The following ARHGAP24 variants were observed in gnomAD, a reference collection of about 807,000 sequenced individuals.
ARHGAP24 encodes the protein Rho GTPase activating protein 24.
A neutral mutation model predicts 76.4 loss-of-function variants in ARHGAP24; 50 were observed. The observed-to-expected ratio is 0.65, with a 90% CI of 0.52 to 0.83. The LOEUF (loss-of-function observed/expected upper bound fraction) is 0.83. Among genes scored for constraint, ARHGAP24 ranks in the 40% least tolerant of loss-of-function variants. The probability of loss-of-function intolerance (pLI) is 0.00; values close to 1 mark genes in which losing one functional copy is unlikely to be tolerated. For synonymous variants in ARHGAP24, 345 were observed against 323.3 expected (o/e 1.07, Z -0.72); for missense variants, 930 against 914.2 (o/e 1.02, Z -0.22).
chr4:85,639,703 T>TAAAAAAA (rs3028175), intron 2 of ARHGAP24, among the ~76,000 whole-genome samples: 9 of 146,846 alleles, frequency 6.1e-5, no homozygotes, highest in African/African-American at 1.7e-4. Context: ...GAATAATTGG[T>TAAAAAAA]AAAAAAAAAA....
chr4:85,862,564 G>A (rs1731959399), intron 3 of ARHGAP24, among the ~76,000 whole-genome samples: 1 of 151,958 alleles, frequency 6.6e-6, no homozygotes, highest in South Asian at 2.1e-4. Context: ...TCCTTCTCAG[G>A]CCATATTTAG....
intron 3 of ARHGAP24, among the ~76,000 whole-genome samples, chr4:85,779,273 G>C (rs1371969559): frequency 6.6e-6 from 1 of 152,098 alleles, no homozygotes; most frequent in Non-Finnish European, 1.5e-5. Context: ...TTTATTGCTT[G>C]TGTTGGATAA....
intron 3 of ARHGAP24, among the ~76,000 whole-genome samples, chr4:85,822,806 A>G (rs1264876714): frequency 6.6e-6 from 1 of 152,196 alleles, no homozygotes; most frequent in Non-Finnish European, 1.5e-5. Context: ...TCCTGCACAC[A>G]CATACACACA....
intron 2 of ARHGAP24, among the ~76,000 whole-genome samples, chr4:85,615,958 T>C (rs1333261225): frequency 6.6e-6 from 1 of 152,216 alleles, no homozygotes; most frequent in Non-Finnish European, 1.5e-5. Flanking sequence ...TAAGACAACA[T>C]CTTTGGCTGG....
At chr4:85,536,463 ACTTAT>A (rs1282286631) in intron 1 of ARHGAP24, among the ~76,000 whole-genome samples, 1 of 152,096 alleles carries the variant, frequency 6.6e-6, no homozygotes, top group Non-Finnish European at 1.5e-5. Context: ...TGTCCTTACC[ACTTAT>A]CTTTGACTTT....
chr4:85,839,234 A>G (rs1185318561), intron 3 of ARHGAP24, among the ~76,000 whole-genome samples: 1 of 152,224 alleles, frequency 6.6e-6, no homozygotes, highest in African/African-American at 2.4e-5. Flanking sequence ...GCGGCTTAAC[A>G]TAGCCCTTGC....
chr4:85,896,048 G>T (rs142693928), intron 3 of ARHGAP24, among the ~76,000 whole-genome samples: 182 of 152,236 alleles, frequency 1.2e-3, no homozygotes, highest in African/African-American at 4.0e-3. Context: ...TTACTTTATT[G>T]AAACAAAAAC....
intron 3 of ARHGAP24, among the ~76,000 whole-genome samples, chr4:85,836,612 A>G (rs1025816260): frequency 7.9e-5 from 12 of 152,200 alleles, no homozygotes; most frequent in Non-Finnish European, 2.9e-5. Context: ...CTATTTCCAA[A>G]TATGACCACA....
chr4:85,718,289 G>A (rs921594132), intron 2 of ARHGAP24, among the ~76,000 whole-genome samples: 1 of 151,990 alleles, frequency 6.6e-6, no homozygotes, highest in Admixed American at 6.6e-5. Flanking sequence ...ACTACACTTG[G>A]CATAACAACA....
intron 3 of ARHGAP24, among the ~76,000 whole-genome samples, chr4:85,878,992 G>A (rs1194581030): frequency 1.3e-5 from 2 of 152,200 alleles, no homozygotes; most frequent in Non-Finnish European, 2.9e-5. Flanking sequence ...ATTCAACCAA[G>A]TACACTACAA....
chr4:85,893,955 G>T (rs13139737), intron 3 of ARHGAP24, among the ~76,000 whole-genome samples: 29,525 of 97,334 alleles, frequency 0.3, 3,653 homozygotes, highest in Non-Finnish European at 0.37. Context: ...GTGGTGGGGT[G>T]GGGGGAGGGG....
At chr4:85,673,691 G>T (rs1395137718) in intron 2 of ARHGAP24, among the ~76,000 whole-genome samples, 2 of 144,700 alleles carry the variant, frequency 1.4e-5, no homozygotes, top group Non-Finnish European at 3.1e-5. Flanking sequence ...CTGGTAAAGT[G>T]AAACACCAGT....
intron 3 of ARHGAP24, chr4:85,723,710 G>A (rs1037810821): frequency 1.3e-5 from 2 of 152,156 alleles, no homozygotes; most frequent in African/African-American, 4.8e-5. Context: ...GGAGTGTGAA[G>A]AGAAGTGTTC....
At chr4:85,738,282 TC>T (rs1404729700) in intron 3 of ARHGAP24, among the ~76,000 whole-genome samples, 1 of 152,002 alleles carries the variant, frequency 6.6e-6, no homozygotes, top group Non-Finnish European at 1.5e-5. Flanking sequence ...ATATTGACTA[TC>T]TTTTCATGTG....
chr4:85,862,475 A>C (rs188900411), intron 3 of ARHGAP24, among the ~76,000 whole-genome samples: 1 of 152,078 alleles, frequency 6.6e-6, no homozygotes, highest in Non-Finnish European at 1.5e-5. Flanking sequence ...CTCCTAAGTT[A>C]GGTTTTCAAG....
chr4:85,606,468 G>A (rs28585433), intron 2 of ARHGAP24, among the ~76,000 whole-genome samples: 1,699 of 151,542 alleles, frequency 0.011, 36 homozygotes, highest in African/African-American at 0.039. Flanking sequence ...AGCCGAGATC[G>A]GGCCACTGCA....
At chr4:85,936,794 C>T (rs373933463) in intron 4 of ARHGAP24, among the ~76,000 whole-genome samples, 8 of 152,180 alleles carry the variant, frequency 5.3e-5, no homozygotes, top group African/African-American at 1.9e-4. Context: ...GATAAGGTTT[C>T]CTACACTGAC....
At chr4:85,801,925 A>G (rs1728595921) in intron 3 of ARHGAP24, among the ~76,000 whole-genome samples, 1 of 152,260 alleles carries the variant, frequency 6.6e-6, no homozygotes, top group Non-Finnish European at 1.5e-5. Context: ...TACTTTCATC[A>G]ATAAAATGGT....
intron 3 of ARHGAP24, among the ~76,000 whole-genome samples, chr4:85,805,526 T>C (rs527364712): frequency 1.3e-5 from 2 of 152,182 alleles, no homozygotes; most frequent in Non-Finnish European, 2.9e-5. Context: ...GAAAGAAAGA[T>C]GTAAAATTTT....
Sources: gnomAD v4.1 joint callset for allele counts (sites outside exome capture counted in the v4.1 genomes callset) on GRCh38, gnomAD v4.1.1 for gene constraint, MANE v1.5 for transcripts, NCBI Gene and HGNC (gene_info 2026-07-23, HGNC 2026-07-21) for gene names.